The following PTPN14 variants were observed in gnomAD, a reference collection of about 807,000 sequenced individuals.
PTPN14 encodes the protein tyrosine-protein phosphatase non-receptor type 14.
In PTPN14, 53 loss-of-function variants were observed where a neutral mutation model predicts 126.8. The ratio of observed to expected loss-of-function variants is 0.42; its 90% CI spans 0.34 to 0.53. The LOEUF (loss-of-function observed/expected upper bound fraction) is 0.53, where lower values mean the gene tolerates loss of function less well. Among genes scored for constraint, PTPN14 ranks in the 20% least tolerant of loss-of-function variants. The probability of loss-of-function intolerance (pLI) is 0.08; values close to 1 mark genes in which losing one functional copy is unlikely to be tolerated. For missense variants in PTPN14, 1,257 were observed against 1,552.9 expected, an observed-to-expected ratio of 0.81 and a Z score of 3.20; for synonymous variants, 630 against 599.3, an observed-to-expected ratio of 1.05 and a Z score of -0.75.
chr1:214,444,286 C>A (rs1467831290), intron 3 of PTPN14, among the ~76,000 whole-genome samples: 1 of 152,142 alleles, frequency 6.6e-6, no homozygotes, highest in African/African-American at 2.4e-5. Context: ...AGAAATAATT[C>A]CATTCTCAAT....
intron 2 of PTPN14, among the ~76,000 whole-genome samples, chr1:214,452,390 T>C (rs1179390056): frequency 6.6e-6 from 1 of 152,248 alleles, no homozygotes; most frequent in East Asian, 1.9e-4. Flanking sequence ...TGTAACTTAT[T>C]ACTCAATTCC....
chr1:214,456,789 T>C (rs1214822753), intron 2 of PTPN14, among the ~76,000 whole-genome samples: 2 of 152,180 alleles, frequency 1.3e-5, no homozygotes, highest in South Asian at 2.1e-4. Context: ...CATTCTAGGA[T>C]TGACATTAAG....
intron 16 of PTPN14, among the ~76,000 whole-genome samples, chr1:214,370,979 C>G (rs1658205097): frequency 6.6e-6 from 1 of 152,188 alleles, no homozygotes; most frequent in Non-Finnish European, 1.5e-5. Context: ...ATTGAGTCTC[C>G]TTAAATTGGA....
intron 18 of PTPN14, among the ~76,000 whole-genome samples, chr1:214,363,312 T>A (rs890425272): frequency 8.6e-5 from 13 of 151,932 alleles, no homozygotes; most frequent in Admixed American, 6.6e-4. Context: ...GGGCAGAGAG[T>A]TTAATGTCTA....
At position 214,383,788 on chromosome 1, in the gene PTPN14, G is replaced by A. The variant is rs1371134321; in HGVS notation, c.2067C>T (p.Leu689=). ...EGSGSHEVPQ[L]PQYHHKKTFS... is the part of the protein sequence containing the mutation. The stretch of plus-strand genomic sequence containing the variant: ...AGGTCTTCTTGTGGTGATACTGAGG[G>A]AGCTGGGGGACCTCGTGGCTGCCTG... The change falls in exon 13 of 19, where the codon CTC becomes CTT. Residue 689 remains leucine, a synonymous_variant. Coordinates refer to ENST00000366956, the MANE Select transcript of PTPN14 (RefSeq NM_005401.5). This position sits in a 1 kb window ranked among gnomAD's most constrained non-coding sequence, Gnocchi z 4.4. 2 of 1,612,982 alleles carry A rather than the reference G, an allele frequency of 1.2e-6. No homozygotes were observed. The highest frequency in any genetic ancestry group is 1.1e-5 in the South Asian group (1 of 91,088).
At chr1:214,441,301 C>A (rs1187423033) in intron 3 of PTPN14, among the ~76,000 whole-genome samples, 2 of 152,118 alleles carry the variant, frequency 1.3e-5, no homozygotes, top group Non-Finnish European at 2.9e-5. Context: ...TACATTATAT[C>A]CGGTGATGGA....
chr1:214,383,197 C>T lies in PTPN14; in HGVS notation c.2544+114G>A, dbSNP rs73074055. The stretch of plus-strand genomic sequence containing the variant: ...GTAATAAAGTACTACCTTTTAAATG[C>T]TCAATGATTCCTTAAAAACCTACCA... On this transcript the variant is annotated intron_variant, in intron 13 of 18. Transcript: ENST00000366956. This position sits in a 1 kb window ranked among gnomAD's most constrained non-coding sequence, Gnocchi z 4.4. 0.021 allele frequency: 28,088 copies of T among 1,306,856 alleles called. 781 individuals are homozygous for T. The highest frequency in any genetic ancestry group is 0.13 in the African/African-American group (8,525 of 67,504). 81.0% of individuals were successfully genotyped at this position (1,306,856 alleles called of 1,614,324 possible).
At chr1:214,477,376 A>G (rs549463493) in intron 1 of PTPN14, among the ~76,000 whole-genome samples, 20 of 152,302 alleles carry the variant, frequency 1.3e-4, no homozygotes, top group African/African-American at 4.8e-4. Context: ...TACATGCACC[A>G]CAAACCCATT....
At chr1:214,464,183 T>G (rs374236720) in intron 2 of PTPN14, among the ~76,000 whole-genome samples, 1 of 4,578 alleles carries the variant, frequency 2.2e-4, no homozygotes, top group Non-Finnish European at 3.9e-4. Flanking sequence ...TCGGTGGGGT[T>G]TTTTTTTTTT....
intron 8 of PTPN14, among the ~76,000 whole-genome samples, chr1:214,396,993 T>A (rs1367528728): frequency 6.6e-6 from 1 of 152,230 alleles, no homozygotes; most frequent in Non-Finnish European, 1.5e-5. Context: ...CTGAAAGATC[T>A]CTCTTGTCAC....
At chr1:214,373,046 T>C (rs1349654452) in intron 15 of PTPN14, among the ~76,000 whole-genome samples, 2 of 152,176 alleles carry the variant, frequency 1.3e-5, no homozygotes, top group African/African-American at 4.8e-5. Context: ...CTCAAGCCTA[T>C]TAAATATTTA....
rs1385410018 is a variant in PTPN14 at position 214,364,486 on chromosome 1, C to A, written c.3435+26G>T. ...TAGACTTGTCCCCAAGGTGGAGTAT[C>A]CGGAGAGAAGCCCAGAATGACTCAC... On this transcript the variant is annotated intron_variant, in intron 18 of 18. Coordinates refer to ENST00000366956, the MANE Select transcript of PTPN14 (RefSeq NM_005401.5). The surrounding 1 kb of genome is among the most constrained non-coding windows in gnomAD (Gnocchi z 4.1). The A allele has an allele frequency of 6.2e-7, 1 of 1,608,680 alleles. No individual in the cohort carries two copies. Among genetic ancestry groups the A allele is most frequent in the African/African-American group, 1.3e-5 (1 of 74,752 alleles).
In PTPN14 at chr1:214,383,832, C is replaced by T; in HGVS notation, c.2023G>A (p.Gly675Arg). The T allele has an allele frequency of 6.2e-7, 1 of 1,612,468 alleles. No individual in the cohort carries two copies. Among genetic ancestry groups the T allele is most frequent in the Non-Finnish European group, 8.5e-7 (1 of 1,179,994 alleles). ...MARRNTLREQ[G>R]PPEEGSGSHE... ...CTGCCTGACCCCTCCTCGGGCGGTC[C>T]CTGCTCCCGGAGCGTGTTGCGGCGA... is the stretch of plus-strand genomic sequence containing the variant. The change falls in exon 13 of 19, where the codon GGA becomes AGA. Residue 675 changes from glycine (G) to arginine (R), a missense_variant. Gly to Arg is a moderately radical substitution (Grantham distance 125, BLOSUM62 -2). Around this residue, in one of 3 missense-constraint regions of PTPN14, gnomAD observed 1,021 missense variants for 1,183.3 expected, o/e 0.86. Transcript: ENST00000366956. This position sits in a 1 kb window ranked among gnomAD's most constrained non-coding sequence, Gnocchi z 4.4.
Position 214,397,948 on chromosome 1 carries a change from C to T in PTPN14, c.723G>A (p.Val241=). The stretch of plus-strand genomic sequence containing the variant: ...CCGCTTGTCTTCCAATTCTGTTCCT[C>T]ACGAAAATCCCCATAAAGAAAATGC... The part of the protein sequence containing the change: ...HLGIFFMGIF[V]RNRIGRQAVI... The change falls in exon 8 of 19, where the codon GTG becomes GTA. Residue 241 remains valine, a synonymous_variant. Transcript: ENST00000366956. The T allele has an allele frequency of 1.1e-5, 17 of 1,613,104 alleles. No individual in the cohort carries two copies. The highest frequency in any genetic ancestry group is 1.4e-5 in the Non-Finnish European group (16 of 1,179,116).
rs1012630576 is a variant in PTPN14, at chr1:214,353,636, C to G, written c.*4286G>C. On this transcript the variant is annotated 3_prime_UTR_variant, in exon 19 of 19. Coordinates refer to ENST00000366956, the MANE Select transcript of PTPN14 (RefSeq NM_005401.5). ...ATACAGACTGTTCATCGGGAAAGGA[C>G]AGCAGCTAAAAACTCCAGAGTGATA... The G allele has an allele frequency of 1.2e-4, 19 of 152,250 alleles. No individual in the cohort carries two copies. Among genetic ancestry groups the G allele is most frequent in the Non-Finnish European group, 2.4e-4 (16 of 68,060 alleles). The allele number at this position is 152,250 out of a possible 1,614,324, so 9.4% of individuals were successfully genotyped here.
In PTPN14 at chr1:214,349,815, C is replaced by T. The variant is rs1178340757; in HGVS notation, c.*8107G>A. On this transcript the variant is annotated 3_prime_UTR_variant, in exon 19 of 19. Transcript: ENST00000366956. ...AATTGCAGTAAAATTGTACAATGTT[C>T]AAGTTGAAAAAAAAAATGGCTCTGA... The T allele has an allele frequency of 6.6e-6, 1 of 151,492 alleles. No homozygotes were observed. The allele number at this position is 151,492 out of a possible 1,614,324, so 9.4% of individuals were successfully genotyped here.
intron 12 of PTPN14, among the ~76,000 whole-genome samples, chr1:214,385,437 A>C (rs1241469271): frequency 6.6e-6 from 1 of 152,084 alleles, no homozygotes; most frequent in Admixed American, 6.5e-5. Flanking sequence ...AGTAAAAATT[A>C]ATTATAGTTT....
rs765278974 is a variant in PTPN14 at position 214,384,421 on chromosome 1, G to C, written c.1434C>G (p.Asn478Lys). Residue 478 changes from asparagine (N) to lysine (K), a missense_variant, in exon 13 of 19, where the codon AAC becomes AAG. Asn to Lys is a moderately conservative substitution (Grantham distance 94). Coordinates refer to ENST00000366956, the MANE Select transcript of PTPN14 (RefSeq NM_005401.5). This position sits in a 1 kb window ranked among gnomAD's most constrained non-coding sequence, Gnocchi z 5.3. ...NLNIINTHAY[N>K]QPEDLVYSQP... The stretch of plus-strand genomic sequence containing the variant: ...GGCTGTACACCAGATCCTCTGGCTG[G>C]TTGTAGGCATGGGTGTTGATAATGT... The C allele has an allele frequency of 6.2e-7, 1 of 1,614,186 alleles. No individual in the cohort carries two copies. The highest frequency in any genetic ancestry group is 8.5e-7 in the Non-Finnish European group (1 of 1,180,042).
rs1251688648 is a variant in PTPN14, at chr1:214,383,777, T to C, written c.2078A>G (p.His693Arg). 3 of 1,613,078 alleles carry C rather than the reference T, an allele frequency of 1.9e-6. No individual in the cohort carries two copies. Among genetic ancestry groups the C allele is most frequent in the East Asian group, 2.2e-5 (1 of 44,902 alleles). ...GGCATCAGAGAAGGTCTTCTTGTGGTGATACTGAGGGAGCTGGGGGACCTC... is the reference window on the plus strand; with the variant it reads ...GGCATCAGAGAAGGTCTTCTTGTGGCGATACTGAGGGAGCTGGGGGACCTC... ...SHEVPQLPQY[H>R]HKKTFSDATM... Residue 693 changes from histidine (H) to arginine (R), a missense_variant, in exon 13 of 19, where the codon CAC becomes CGC. Physicochemically the swap from His to Arg is conservative, Grantham distance 29. Transcript: ENST00000366956. The surrounding 1 kb of genome is among the most constrained non-coding windows in gnomAD (Gnocchi z 4.4).
Sources: gnomAD v4.1 joint callset for allele counts (sites outside exome capture counted in the v4.1 genomes callset) on GRCh38, gnomAD v4.1.1 for gene constraint, gnomAD v4.1.1 regional missense constraint, Gnocchi (gnomAD v3.1) non-coding constraint, MANE v1.5 for transcripts, NCBI Gene and HGNC (gene_info 2026-07-23, HGNC 2026-07-21) for gene names.